The following CNTN6 variants were observed in gnomAD, a reference collection of about 807,000 sequenced individuals.
The protein encoded by CNTN6 is contactin 6.
Under a neutral mutation model 122.8 loss-of-function variants are expected in CNTN6, and 137 were observed. The ratio of observed to expected loss-of-function variants is 1.12; its 90% CI spans 0.97 to 1.29. CNTN6 has a LOEUF of 1.29. CNTN6 is among the 50% of genes most tolerant of loss of function. The pLI, the probability that CNTN6 is intolerant of heterozygous loss-of-function variation, is 0.00. For synonymous variants in CNTN6, 570 were observed against 426.0 expected, an observed-to-expected ratio of 1.34 and a Z score of -4.16; for missense variants, 1,634 against 1,223.4, an observed-to-expected ratio of 1.34 and a Z score of -5.01.
intron 7 of CNTN6, among the ~76,000 whole-genome samples, chr3:1,308,132 G>C (rs1248519218): frequency 1.3e-5 from 2 of 152,092 alleles, no homozygotes; most frequent in East Asian, 3.9e-4. Context: ...ACTTCTGTCA[G>C]TACTGACTCA....
intron 2 of CNTN6, among the ~76,000 whole-genome samples, chr3:1,155,343 A>G (rs553823814): frequency 2.0e-5 from 3 of 152,140 alleles, no homozygotes; most frequent in Non-Finnish European, 4.4e-5. Flanking sequence ...CACGTTATTG[A>G]CCTCTCAAAA....
chr3:1,154,508 A>G (rs537240634), intron 2 of CNTN6, among the ~76,000 whole-genome samples: 40 of 150,544 alleles, frequency 2.7e-4, no homozygotes, highest in Admixed American at 9.3e-4. Context: ...CAGTGGCACA[A>G]TCTTGGCTCA....
intron 20 of CNTN6, among the ~76,000 whole-genome samples, chr3:1,387,463 G>A (rs528947708): frequency 2.6e-5 from 4 of 152,242 alleles, no homozygotes; most frequent in South Asian, 4.2e-4. Context: ...CTGCAAATCC[G>A]AATGAAAATC....
chr3:1,383,449 A>G (rs546831654), intron 19 of CNTN6, 41 bp downstream of exon 19: 35 of 1,480,498 alleles, frequency 2.4e-5, no homozygotes, highest in South Asian at 5.7e-5. Flanking sequence ...GAATGTGCCA[A>G]TGGACTTCGC....
rs1403836540 is a variant in CNTN6, at chr3:1,391,909, T to C, written c.2704+6112T>C. Among the ~76,000 whole-genome samples the C allele has an allele frequency of 4.4e-3, 672 of 152,140 alleles. 3 individuals carry two copies. Among genetic ancestry groups the C allele is most frequent in the African/African-American group, 0.015 (619 of 41,496 alleles). ...CACTGCTCAATGAGATAAAAGAGGA[T>C]ACAAACAAATGGAAGAACATTCCAT... is the stretch of plus-strand genomic sequence containing the variant. On this transcript the variant is annotated intron_variant, in intron 20 of 22. Transcript: ENST00000446702.
At chr3:1,264,169 C>A (rs1195533346) in intron 4 of CNTN6, among the ~76,000 whole-genome samples, 1 of 152,058 alleles carries the variant, frequency 6.6e-6, no homozygotes, top group African/African-American at 2.4e-5. Context: ...TCTGGGTTGA[C>A]TGATCATTAA....
chr3:1,148,156 T>G, intron 2 of CNTN6, 93 bp downstream of exon 2: 2 of 937,060 alleles, frequency 2.1e-6, no homozygotes, highest in Non-Finnish European at 3.4e-6. Context: ...ATGCACAATT[T>G]GTATGTTATT....
chr3:1,093,040 C>A lies in CNTN6; in HGVS notation c.-163C>A. On this transcript the variant is annotated 5_prime_UTR_variant, in exon 1 of 23. Transcript: ENST00000446702. ...AGACATTCCATACGGCTTGGTTCTGCCTGGACGCACAGCATGCCTGGCTGA... is the reference window on the plus strand; with the variant it reads ...AGACATTCCATACGGCTTGGTTCTGACTGGACGCACAGCATGCCTGGCTGA... 1 of 333,716 alleles carries A rather than the reference C, an allele frequency of 3.0e-6. No homozygotes were observed. The highest frequency in any genetic ancestry group is 5.9e-6 in the Non-Finnish European group (1 of 168,116). 20.7% of individuals were successfully genotyped at this position (333,716 alleles called of 1,614,324 possible).
At chr3:1,157,687 T>TA (rs1470094919) in intron 2 of CNTN6, among the ~76,000 whole-genome samples, 3 of 151,734 alleles carry the variant, frequency 2.0e-5, no homozygotes, top group Non-Finnish European at 4.4e-5. Context: ...ACCATCCTTC[T>TA]ACTCTCTATC....
intron 7 of CNTN6, among the ~76,000 whole-genome samples, chr3:1,316,664 T>A (rs995414817): frequency 3.3e-5 from 5 of 151,906 alleles, no homozygotes; most frequent in African/African-American, 7.2e-5. Flanking sequence ...TAGCTAAGGA[T>A]GAGAGCCACA....
Position 1,117,881 on chromosome 3 carries a change from T to C in CNTN6, c.-83+24761T>C, listed in dbSNP as rs556755040. 2.0e-5 allele frequency among the ~76,000 whole-genome samples: 3 copies of C among 152,326 alleles called. No individual in the cohort carries two copies. The East Asian group carries it at 5.8e-4, about 29-fold the overall frequency. ...ATATTATATAGAACCTCAGTGGGTC[T>C]ACAGAGAAACTGAGCTTCAGTTCTT... is the stretch of plus-strand genomic sequence containing the variant. On this transcript the variant is annotated intron_variant, in intron 1 of 22. Coordinates refer to ENST00000446702, the MANE Select transcript of CNTN6 (RefSeq NM_001289080.2).
intron 4 of CNTN6, among the ~76,000 whole-genome samples, chr3:1,270,085 G>A (rs1210292633): frequency 6.6e-6 from 1 of 152,232 alleles, no homozygotes; most frequent in South Asian, 2.1e-4. Context: ...GTTATGTCGT[G>A]TTGTGTTACT....
chr3:1,383,980 T>G (rs1692346642), intron 19 of CNTN6, among the ~76,000 whole-genome samples: 1 of 150,496 alleles, frequency 6.6e-6, no homozygotes, highest in African/African-American at 2.5e-5. Flanking sequence ...CTTCCCTGTT[T>G]CAGTCAGTCT....
Position 1,270,083 on chromosome 3 carries a change from G to A in CNTN6, c.359-8330G>A, listed in dbSNP as rs146571452. On this transcript the variant is annotated intron_variant, in intron 4 of 22. Coordinates refer to ENST00000446702, the MANE Select transcript of CNTN6 (RefSeq NM_001289080.2). ...ACATTGTGCTTGATTAGGTTATGTC[G>A]TGTTGTGTTACTGAGTTATGCTAGG... 1.6e-3 allele frequency among the ~76,000 whole-genome samples: 244 copies of A among 152,198 alleles called. 1 individual carries two copies. The highest frequency in any genetic ancestry group is 2.6e-3 in the Non-Finnish European group (176 of 68,014).
chr3:1,261,471 A>G (rs766272398), intron 4 of CNTN6, among the ~76,000 whole-genome samples: 60 of 152,226 alleles, frequency 3.9e-4, no homozygotes, highest in Middle Eastern at 6.8e-3. Context: ...ACATTTACTC[A>G]TTACCTTCTG....
chr3:1,308,723 A>G (rs1014886495), intron 7 of CNTN6, among the ~76,000 whole-genome samples: 12 of 151,912 alleles, frequency 7.9e-5, no homozygotes, highest in African/African-American at 2.7e-4. Context: ...GTGCTGTCCC[A>G]TTTTGCAATA....
chr3:1,314,512 A>G (rs1184853289), intron 7 of CNTN6, among the ~76,000 whole-genome samples: 1 of 152,166 alleles, frequency 6.6e-6, no homozygotes, highest in Non-Finnish European at 1.5e-5. Flanking sequence ...CTCAAATAGC[A>G]CTAGTAATAA....
chr3:1,356,653 G>A (rs1485971104), intron 12 of CNTN6, among the ~76,000 whole-genome samples: 6 of 151,734 alleles, frequency 4.0e-5, no homozygotes, highest in African/African-American at 1.5e-4. Flanking sequence ...TTGTCATATC[G>A]TAGTACTTGA....
intron 4 of CNTN6, among the ~76,000 whole-genome samples, chr3:1,236,417 C>CA (rs545297257): frequency 1.5e-3 from 226 of 152,254 alleles, no homozygotes; most frequent in Admixed American, 3.7e-3. Context: ...CAGGACTCTG[C>CA]AGACACTCCT....
Sources: allele counts gnomAD v4.1 joint callset (sites outside exome capture counted in the v4.1 genomes callset), GRCh38; gene constraint gnomAD v4.1.1; transcripts MANE v1.5; gene names NCBI Gene and HGNC (gene_info 2026-07-23, HGNC 2026-07-21).